The following THSD7B variants were observed in gnomAD, a reference collection of about 807,000 sequenced individuals.
THSD7B encodes thrombospondin type-1 domain-containing protein 7B.
Under a neutral mutation model 213.6 loss-of-function variants are expected in THSD7B, and 138 were observed. That is an observed-to-expected ratio of 0.65 (90% CI 0.56 to 0.74). THSD7B has a LOEUF of 0.74. Ranked by LOEUF, THSD7B falls within the 30% of genes least tolerant of loss-of-function variation. The pLI is 0.00. For synonymous variants in THSD7B, 742 were observed against 687.0 expected, an observed-to-expected ratio of 1.08 and a Z score of -1.25; for missense variants, 1,931 against 1,991.5, an observed-to-expected ratio of 0.97 and a Z score of 0.58.
At chr2:137,038,972 G>A (rs1396094018) in intron 2 of THSD7B, among the ~76,000 whole-genome samples, 1 of 152,144 alleles carries the variant, frequency 6.6e-6, no homozygotes, top group East Asian at 1.9e-4. Context: ...AGATAAAGTG[G>A]AATTTTATGA....
chr2:136,945,159 G>T (rs1259326335), intron 2 of THSD7B, among the ~76,000 whole-genome samples: 3 of 152,110 alleles, frequency 2.0e-5, no homozygotes, highest in African/African-American at 7.2e-5. Context: ...GCTTAGTTTG[G>T]CTGGATATGA....
At chr2:137,095,967 G>T (rs1688032432) in intron 4 of THSD7B, among the ~76,000 whole-genome samples, 1 of 152,164 alleles carries the variant, frequency 6.6e-6, no homozygotes, top group African/African-American at 2.4e-5. Flanking sequence ...TTCTCAAAGT[G>T]CTGGGATTGC....
chr2:137,399,793 A>G (rs1463673950), intron 12 of THSD7B, among the ~76,000 whole-genome samples: 1 of 152,032 alleles, frequency 6.6e-6, no homozygotes, highest in East Asian at 1.9e-4. Flanking sequence ...AAGGTTTCTA[A>G]ACTTCTTTAT....
chr2:137,292,910 A>G (rs1368481519), intron 12 of THSD7B, among the ~76,000 whole-genome samples: 1 of 152,016 alleles, frequency 6.6e-6, no homozygotes, highest in African/African-American at 2.4e-5. Context: ...AATACTCCCT[A>G]TCTTTACCAG....
intron 3 of THSD7B, among the ~76,000 whole-genome samples, chr2:137,058,502 A>G (rs960943588): frequency 9.9e-5 from 15 of 152,118 alleles, no homozygotes; most frequent in African/African-American, 3.6e-4. Context: ...TTCAGAAAAA[A>G]TGAGTGAAAG....
At chr2:137,017,733 GC>G (rs1440541697) in intron 2 of THSD7B, among the ~76,000 whole-genome samples, 1 of 152,022 alleles carries the variant, frequency 6.6e-6, no homozygotes, top group African/African-American at 2.4e-5. Context: ...GCCATATGAT[GC>G]CTTATTCTGT....
At chr2:137,287,924 T>G (rs1573936199) in intron 12 of THSD7B, among the ~76,000 whole-genome samples, 1 of 152,232 alleles carries the variant, frequency 6.6e-6, no homozygotes, top group Non-Finnish European at 1.5e-5. Context: ...TACTGCAAAC[T>G]GTGTAAATGT....
At chr2:137,459,160 T>TAA (rs778573137) in intron 15 of THSD7B, among the ~76,000 whole-genome samples, 27 of 150,476 alleles carry the variant, frequency 1.8e-4, no homozygotes, top group African/African-American at 6.1e-4. Flanking sequence ...CAGTATCTTT[T>TAA]AAAAAAAAAA....
intron 2 of THSD7B, among the ~76,000 whole-genome samples, chr2:136,982,938 C>T: frequency 6.6e-6 from 1 of 151,994 alleles, no homozygotes; most frequent in East Asian, 1.9e-4. Flanking sequence ...ATGATAGGGT[C>T]AGAATGTGGA....
chr2:137,270,155 A>G (rs1241754373), intron 10 of THSD7B, among the ~76,000 whole-genome samples: 1 of 122,490 alleles, frequency 8.2e-6, no homozygotes, highest in Non-Finnish European at 1.7e-5. Context: ...ATAGGGAGAC[A>G]GTGTGAGGCA....
At chr2:136,977,959 C>G (rs1685510751) in intron 2 of THSD7B, among the ~76,000 whole-genome samples, 1 of 151,968 alleles carries the variant, frequency 6.6e-6, no homozygotes, top group African/African-American at 2.4e-5. Flanking sequence ...GCCACCATGC[C>G]TAGCTAATTT....
chr2:137,563,134 T>G, intron 15 of THSD7B, 87 bp from the exon 16 acceptor site: 1 of 1,422,588 alleles, frequency 7.0e-7, no homozygotes. Context: ...TCTTGGGTTA[T>G]GTTCAGCAAG....
rs144478632 is a variant in THSD7B, at chr2:137,460,349, G to A, written c.3138+9326G>A. Among the ~76,000 whole-genome samples, 99 of 152,140 alleles carry A rather than the reference G, an allele frequency of 6.5e-4. 1 individual carries two copies. The highest frequency in any genetic ancestry group is 2.3e-3 in the African/African-American group (95 of 41,544). On this transcript the variant is annotated intron_variant, in intron 15 of 27. Transcript: ENST00000409968. ...CTTCTTATCTTGTTGCTTGATACAC[G>A]GTAAGTACTTGATAGATGTTAAGTA...
rs142004498 is a variant in THSD7B, at chr2:137,514,738, C to T, written c.3139-48483C>T. On this transcript the variant is annotated intron_variant, in intron 15 of 27. Transcript: ENST00000409968. Reference sequence around the variant, plus strand: ...TAATAGTATGGAGAACACTAATAGTCCTTGGTGTGAACTGTGTAGAGATTT... The same window carrying T: ...TAATAGTATGGAGAACACTAATAGTTCTTGGTGTGAACTGTGTAGAGATTT... Among the ~76,000 whole-genome samples the T allele has an allele frequency of 4.7e-3, 720 of 152,192 alleles. 4 individuals carry two copies. Among genetic ancestry groups the T allele is most frequent in the African/African-American group, 0.017 (686 of 41,522 alleles).
chr2:136,786,394 G>A (rs1416324274), intron 1 of THSD7B, among the ~76,000 whole-genome samples: 4 of 151,956 alleles, frequency 2.6e-5, no homozygotes, highest in African/African-American at 9.7e-5. Context: ...ACCATGTATT[G>A]TTTCTGCTTG....
chr2:136,862,415 C>T (rs1233191280), intron 1 of THSD7B, among the ~76,000 whole-genome samples: 1 of 152,166 alleles, frequency 6.6e-6, no homozygotes, highest in African/African-American at 2.4e-5. Context: ...TCCCCTTCTA[C>T]CTGCCAGGTT....
intron 1 of THSD7B, among the ~76,000 whole-genome samples, chr2:136,878,251 T>TC (rs1683557013): frequency 6.6e-6 from 1 of 151,044 alleles, no homozygotes; most frequent in African/African-American, 2.4e-5. Flanking sequence ...GACATGAACT[T>TC]ATTTTTTATG....
intron 9 of THSD7B, among the ~76,000 whole-genome samples, chr2:137,234,561 A>G (rs983869538): frequency 2.0e-5 from 3 of 152,166 alleles, no homozygotes; most frequent in Non-Finnish European, 4.4e-5. Context: ...TGTGACTTGA[A>G]GGGAAGCATA....
chr2:137,099,375 G>A (rs1385743983), intron 4 of THSD7B, among the ~76,000 whole-genome samples: 2 of 152,144 alleles, frequency 1.3e-5, no homozygotes, highest in African/African-American at 2.4e-5. Context: ...GGATAAGGCA[G>A]TACTGTTTAG....
Sources: allele counts gnomAD v4.1 joint callset (sites outside exome capture counted in the v4.1 genomes callset), GRCh38; gene constraint gnomAD v4.1.1; transcripts MANE v1.5; gene names NCBI Gene and HGNC (gene_info 2026-07-23, HGNC 2026-07-21).